The following FUT8 variants were observed in gnomAD, a reference collection of about 807,000 sequenced individuals.
FUT8 encodes the protein alpha-(1,6)-fucosyltransferase.
Under a neutral mutation model 71.3 loss-of-function variants are expected in FUT8, and 29 were observed. That is an observed-to-expected ratio of 0.41 (90% CI 0.30 to 0.55). The LOEUF (loss-of-function observed/expected upper bound fraction) is 0.55, where lower values mean the gene tolerates loss of function less well. FUT8 is among the 20% of genes least tolerant of loss of function. The pLI, the probability that FUT8 is intolerant of heterozygous loss-of-function variation, is 0.34. For synonymous variants in FUT8, 254 were observed against 239.3 expected (o/e 1.06, Z -0.57); for missense variants, 544 against 702.1 (o/e 0.77, Z 2.55).
At chr14:65,612,903 G>T (rs1431133511) in intron 3 of FUT8, among the ~76,000 whole-genome samples, 2 of 152,192 alleles carry the variant, frequency 1.3e-5, no homozygotes, top group African/African-American at 4.8e-5. Context: ...TTGGCATGGT[G>T]AATGTAAGAA....
chr14:65,609,930 C>G (rs905681507), intron 3 of FUT8, among the ~76,000 whole-genome samples: 1 of 151,788 alleles, frequency 6.6e-6, no homozygotes, highest in East Asian at 1.9e-4. Context: ...TCGTGCCCAT[C>G]TTTTGCCAGA....
At chr14:65,653,916 G>A (rs778338956) in intron 6 of FUT8, among the ~76,000 whole-genome samples, 14 of 152,118 alleles carry the variant, frequency 9.2e-5, no homozygotes, top group Non-Finnish European at 1.6e-4. Flanking sequence ...AGACATTTTC[G>A]GATGAAAGAA....
rs78072513 is a variant in FUT8 at position 65,546,583 on chromosome 14, G to T, written c.-227-14754G>T. 6.4e-3 allele frequency among the ~76,000 whole-genome samples: 971 copies of T among 151,762 alleles called. 16 individuals carry two copies. The highest frequency in any genetic ancestry group is 0.022 in the African/African-American group (904 of 41,498). ...TCCATTCACCTGCTTGAAGATGCCT[G>T]GATTGTTCCAAATCTTTGGCTGTTG... On this transcript the variant is annotated intron_variant, in intron 2 of 10. Transcript: ENST00000673929.
intron 7 of FUT8, among the ~76,000 whole-genome samples, chr14:65,687,372 G>A (rs1893345555): frequency 6.6e-6 from 1 of 152,146 alleles, no homozygotes; most frequent in African/African-American, 2.4e-5. Context: ...TTGGACAGTA[G>A]TGTTAGGGAT....
In FUT8 at chr14:65,467,500, A is replaced by T. The variant is rs1023325845; in HGVS notation, c.-228+11782A>T. ...TTCTTTTCTTTTTTATTTTTGAGAC[A>T]GAGTCTCACACTGTCGCCCGGGCTG... On this transcript the variant is annotated intron_variant, in intron 2 of 10. Coordinates refer to ENST00000673929, the MANE Select transcript of FUT8 (RefSeq NM_001371533.1). This position sits in a 1 kb window ranked among gnomAD's most constrained non-coding sequence, Gnocchi z 4.1. Among the ~76,000 whole-genome samples the T allele has an allele frequency of 6.8e-6, 1 of 146,898 alleles. No homozygotes were observed. Among genetic ancestry groups the T allele is most frequent in the Non-Finnish European group, 1.5e-5 (1 of 66,398 alleles).
At chr14:65,516,125 G>A (rs1444729603) in intron 2 of FUT8, 1 of 151,604 alleles carries the variant, frequency 6.6e-6, no homozygotes, top group Non-Finnish European at 1.5e-5. Context: ...TGTTGTGCTT[G>A]TGAATAACCA....
In FUT8 at chr14:65,742,622, C is replaced by A; in HGVS notation, c.*212C>A. On this transcript the variant is annotated 3_prime_UTR_variant, in exon 11 of 11. Coordinates refer to ENST00000673929, the MANE Select transcript of FUT8 (RefSeq NM_001371533.1). ...GGGCTGCAATGCCCTCATACCCATG[C>A]ACAGTACAATAATGTACTCACATAT... 1 of 558,382 alleles carries A rather than the reference C, an allele frequency of 1.8e-6. No homozygotes were observed. Among genetic ancestry groups the A allele is most frequent in the Non-Finnish European group, 3.2e-6 (1 of 312,342 alleles). The allele number at this position is 558,382 out of a possible 1,614,324, so 34.6% of individuals were successfully genotyped here.
the FUT8 span, among the ~76,000 whole-genome samples, chr14:65,357,479 G>A: frequency 6.6e-6 from 1 of 152,142 alleles, no homozygotes; most frequent in African/African-American, 2.4e-5. Flanking sequence ...ATTTCTTTAG[G>A]GCTCTGCAGC....
rs114622378 is a variant in FUT8, at chr14:65,444,014, G to T, written c.-325-11607G>T. Among the ~76,000 whole-genome samples the T allele has an allele frequency of 6.9e-3, 1,049 of 152,160 alleles. 13 individuals are homozygous for T. Among genetic ancestry groups the T allele is most frequent in the African/African-American group, 0.024 (984 of 41,536 alleles). On this transcript the variant is annotated intron_variant, in intron 1 of 10. Coordinates refer to ENST00000673929, the MANE Select transcript of FUT8 (RefSeq NM_001371533.1). Reference sequence around the variant, plus strand: ...TTAGTAAAACAAATTGAAAATATTTGCATAAACTTTCTCTTATTGCTTGAG... The same window carrying T: ...TTAGTAAAACAAATTGAAAATATTTTCATAAACTTTCTCTTATTGCTTGAG...
chr14:65,634,877 G>A (rs1036483567), intron 6 of FUT8, among the ~76,000 whole-genome samples: 1 of 152,094 alleles, frequency 6.6e-6, no homozygotes, highest in Admixed American at 6.6e-5. Context: ...GAATGATGGC[G>A]GTATTTTGAT....
intron 1 of FUT8, among the ~76,000 whole-genome samples, chr14:65,418,398 AC>A (rs1356902568): frequency 6.6e-6 from 1 of 152,238 alleles, no homozygotes; most frequent in Admixed American, 6.5e-5. Context: ...AATATCTAGA[AC>A]CAGATTAAAT....
intron 2 of FUT8, among the ~76,000 whole-genome samples, chr14:65,534,713 A>G (rs1286620497): frequency 1.3e-5 from 2 of 151,874 alleles, no homozygotes; most frequent in Non-Finnish European, 2.9e-5. Context: ...TTTTGTGCCT[A>G]AAGGTGTTCA....
intron 1 of FUT8, among the ~76,000 whole-genome samples, chr14:65,433,978 C>G (rs994984550): frequency 2.0e-5 from 3 of 152,132 alleles, no homozygotes; most frequent in Non-Finnish European, 4.4e-5. Flanking sequence ...CTACCTCTTT[C>G]AAATGTGTGT....
At chr14:65,375,846 T>C in the FUT8 span, among the ~76,000 whole-genome samples, 1 of 87,276 alleles carries the variant, frequency 1.1e-5, no homozygotes, top group African/African-American at 3.5e-5. Context: ...ATCCCAGCAC[T>C]TTGGGAGGCC....
chr14:65,454,184 A>C (rs1298048768), intron 1 of FUT8, among the ~76,000 whole-genome samples: 1 of 152,234 alleles, frequency 6.6e-6, no homozygotes, highest in Admixed American at 6.5e-5. Context: ...AGTTTGGCAA[A>C]GACTTTTGGG....
At chr14:65,433,477 C>T (rs10137961) in intron 1 of FUT8, among the ~76,000 whole-genome samples, 1,589 of 152,214 alleles carry the variant, frequency 0.01, 29 homozygotes, top group African/African-American at 0.037. Flanking sequence ...GTGTGCTTTT[C>T]GTATTTGCAT....
chr14:65,559,848 A>G (rs1302502199), intron 2 of FUT8, among the ~76,000 whole-genome samples: 1 of 152,164 alleles, frequency 6.6e-6, no homozygotes, highest in Non-Finnish European at 1.5e-5. Context: ...CAATGGAGTC[A>G]GTAAAAAGAG....
intron 3 of FUT8, among the ~76,000 whole-genome samples, chr14:65,602,896 A>G (rs1322577805): frequency 6.6e-6 from 1 of 151,786 alleles, no homozygotes; most frequent in Admixed American, 6.6e-5. Flanking sequence ...GATTCTGTAT[A>G]TTAGTCCTTT....
chr14:65,646,966 A>G (rs529718381), intron 6 of FUT8, among the ~76,000 whole-genome samples: 18 of 152,344 alleles, frequency 1.2e-4, no homozygotes, highest in African/African-American at 4.3e-4. Context: ...GGATTATGCA[A>G]ATTCATGTAT....
Sources: allele counts gnomAD v4.1 joint callset (sites outside exome capture counted in the v4.1 genomes callset), GRCh38; gene constraint gnomAD v4.1.1; non-coding constraint Gnocchi (gnomAD v3.1); transcripts MANE v1.5; gene names NCBI Gene and HGNC (gene_info 2026-07-23, HGNC 2026-07-21).